The following NELL2 variants were observed in gnomAD, a reference collection of about 807,000 sequenced individuals.
NELL2 encodes protein kinase C-binding protein NELL2.
NELL2 carries 41 observed loss-of-function variants against 109.6 expected under a neutral mutation model. The ratio of observed to expected loss-of-function variants is 0.37; its 90% confidence interval spans 0.29 to 0.49. NELL2 has a LOEUF of 0.49. Among genes scored for constraint, NELL2 ranks in the 20% least tolerant of loss-of-function variants. The pLI is 0.98. For synonymous variants in NELL2, 355 were observed against 344.7 expected, an observed-to-expected ratio of 1.03 and a Z score of -0.33; for missense variants, 900 against 1,008.3, an observed-to-expected ratio of 0.89 and a Z score of 1.45.
chr12:44,714,720 C>T lies in NELL2; in HGVS notation c.1016G>A (p.Arg339Gln), dbSNP rs548983604. 3.3e-5 allele frequency: 52 copies of T among 1,599,396 alleles called. No individual in the cohort carries two copies. The South Asian group carries it at 4.5e-4, about 14-fold the overall frequency. ...ATTTCTTTCTCCTTCAAAGTAGGTT[C>T]GTCCTTGAAATTGGCATATCGCTTT... Reference protein sequence around the residue: ...ECKSICQFQGRTYFEGERNTV... With the variant: ...ECKSICQFQGQTYFEGERNTV... The change falls in exon 10 of 20, where the codon CGA becomes CAA. Residue 339 changes from arginine to glutamine, a missense_variant. By Grantham distance (43) the Arg-to-Gln change is conservative. Transcript: ENST00000429094.
chr12:44,732,682 A>T (rs1278314826), intron 9 of NELL2, among the ~76,000 whole-genome samples: 1 of 152,058 alleles, frequency 6.6e-6, no homozygotes, highest in Non-Finnish European at 1.5e-5. Context: ...CTCAGGCAAC[A>T]AAAGCAAAAA....
At chr12:44,767,633 A>C (rs981202766) in intron 9 of NELL2, among the ~76,000 whole-genome samples, 1 of 152,208 alleles carries the variant, frequency 6.6e-6, no homozygotes, top group Non-Finnish European at 1.5e-5. Context: ...AACAATCAAA[A>C]TATCTTTAGA....
upstream of NELL2, among the ~76,000 whole-genome samples, chr12:44,915,843 T>C (rs1375242300): frequency 4.6e-5 from 7 of 152,100 alleles, no homozygotes; most frequent in African/African-American, 1.4e-4. Flanking sequence ...GTAATTTGTG[T>C]TAATTGTATG....
intron 2 of NELL2, among the ~76,000 whole-genome samples, chr12:44,872,544 T>TGGCAC (rs1253423472): frequency 6.6e-6 from 1 of 152,134 alleles, no homozygotes; most frequent in Non-Finnish European, 1.5e-5. Context: ...CAAAATCCAC[T>TGGCAC]AAGGAGAAAA....
intron 11 of NELL2, among the ~76,000 whole-genome samples, chr12:44,710,585 A>T (rs1468739117): frequency 6.6e-6 from 1 of 152,186 alleles, no homozygotes; most frequent in Non-Finnish European, 1.5e-5. Context: ...AATTTAATAC[A>T]TGAATCTATA....
At chr12:44,865,789 T>G (rs1203632774) in intron 2 of NELL2, among the ~76,000 whole-genome samples, 21 of 100,806 alleles carry the variant, frequency 2.1e-4, no homozygotes, top group African/African-American at 7.1e-4. Context: ...AATGTGCACA[T>G]GTACCCTAAA....
chr12:44,703,012 A>C (rs1216438022), intron 12 of NELL2, among the ~76,000 whole-genome samples: 3 of 152,164 alleles, frequency 2.0e-5, no homozygotes, highest in African/African-American at 7.2e-5. Context: ...ACACCTCTAA[A>C]TCAATGTTCT....
intron 13 of NELL2, among the ~76,000 whole-genome samples, chr12:44,619,747 T>C (rs192426212): frequency 1.3e-3 from 199 of 152,224 alleles, no homozygotes; most frequent in African/African-American, 4.5e-3. Flanking sequence ...AACGTATACA[T>C]GCAGCATAAG....
intron 9 of NELL2, among the ~76,000 whole-genome samples, chr12:44,771,930 G>A (rs73104305): frequency 0.11 from 16,578 of 152,208 alleles, 1,286 homozygotes; most frequent in Non-Finnish European, 0.15. Context: ...CACGTGTTTC[G>A]TTCATTTCAA....
intron 15 of NELL2, among the ~76,000 whole-genome samples, chr12:44,586,235 A>G (rs868251258): frequency 1.3e-5 from 2 of 148,578 alleles, no homozygotes; most frequent in Non-Finnish European, 3.0e-5. Context: ...CTAATTGAAA[A>G]CCACTATTGT....
At chr12:44,844,652 G>A (rs1365610943) in intron 2 of NELL2, among the ~76,000 whole-genome samples, 1 of 152,162 alleles carries the variant, frequency 6.6e-6, no homozygotes, top group Admixed American at 6.5e-5. Flanking sequence ...TGAGCTATGT[G>A]CTTAGTGTGT....
At chr12:44,558,645 A>C (rs1943346355) in intron 15 of NELL2, among the ~76,000 whole-genome samples, 1 of 152,204 alleles carries the variant, frequency 6.6e-6, no homozygotes, top group Non-Finnish European at 1.5e-5. Context: ...ACTCTAGCCC[A>C]GATACTATGC....
chr12:44,637,198 G>A (rs984464084), intron 13 of NELL2, among the ~76,000 whole-genome samples: 1 of 151,212 alleles, frequency 6.6e-6, no homozygotes, highest in African/African-American at 2.4e-5. Context: ...TCAAGAAAAC[G>A]CTCCTAGATT....
rs748885133 is a variant in NELL2 at position 44,523,340 on chromosome 12, C to T, written c.1949G>A (p.Gly650Asp). 1.2e-6 allele frequency: 2 copies of T among 1,614,168 alleles called. No individual in the cohort carries two copies. The highest frequency in any genetic ancestry group is 1.1e-5 in the South Asian group (1 of 91,092). ...GTCATTTTCCAACACCCAAATCTGA[C>T]CATTGTGCTTAACTTTTCCATCATG... ...CIHDGKVKHN[G>D]QIWVLENDRC... The change falls in exon 17 of 20, where the codon GGT (glycine) becomes GAT (aspartate). Residue 650 changes from glycine (G) to aspartate (D), a missense_variant. This residue lies in a region of NELL2 where 333 missense variants were observed against 432.3 expected (regional missense o/e 0.77). Transcript: ENST00000429094.
At chr12:44,862,978 T>C (rs534521973) in intron 2 of NELL2, among the ~76,000 whole-genome samples, 41 of 152,278 alleles carry the variant, frequency 2.7e-4, no homozygotes, top group African/African-American at 9.6e-4. Flanking sequence ...AGTTCTGGGA[T>C]CCATGTGCAG....
At chr12:44,644,150 C>T (rs1946964106) in intron 13 of NELL2, among the ~76,000 whole-genome samples, 2 of 152,066 alleles carry the variant, frequency 1.3e-5, no homozygotes, top group Admixed American at 1.3e-4. Context: ...CATTCTATTC[C>T]TCTGTGGAGA....
At chr12:44,581,001 G>C (rs1244889197) in intron 15 of NELL2, among the ~76,000 whole-genome samples, 1 of 152,050 alleles carries the variant, frequency 6.6e-6, no homozygotes, top group Admixed American at 6.5e-5. Context: ...ATTTTGAGAC[G>C]AACTTTTTTA....
At chr12:44,776,603 G>A (rs1185777013) in intron 7 of NELL2, among the ~76,000 whole-genome samples, 1 of 152,108 alleles carries the variant, frequency 6.6e-6, no homozygotes, top group Non-Finnish European at 1.5e-5. Context: ...TGAAATTGTA[G>A]GTAAACCTGA....
At chr12:44,679,624 G>A (rs1948430365) in intron 12 of NELL2, among the ~76,000 whole-genome samples, 1 of 152,124 alleles carries the variant, frequency 6.6e-6, no homozygotes, top group Non-Finnish European at 1.5e-5. Context: ...CCTGCTTTAA[G>A]TTAGTGTCTG....
Sources: allele counts gnomAD v4.1 joint callset (sites outside exome capture counted in the v4.1 genomes callset), GRCh38; gene constraint gnomAD v4.1.1; regional missense constraint gnomAD v4.1.1; transcripts MANE v1.5; gene names NCBI Gene and HGNC (gene_info 2026-07-23, HGNC 2026-07-21).